The following ATAD2B variants were observed in gnomAD, a reference collection of about 807,000 sequenced individuals.
ATAD2B encodes the protein ATPase family AAA domain containing 2B.
A neutral mutation model predicts 167.6 loss-of-function variants in ATAD2B; 40 were observed. That is an observed-to-expected ratio of 0.24 (90% CI 0.19 to 0.31). The LOEUF (loss-of-function observed/expected upper bound fraction) is 0.31. ATAD2B is among the 10% of genes least tolerant of loss of function. The pLI is 1.00. For missense variants in ATAD2B, 1,242 were observed against 1,757.2 expected, an observed-to-expected ratio of 0.71 and a Z score of 5.24; for synonymous variants, 579 against 596.5, an observed-to-expected ratio of 0.97 and a Z score of 0.43.
rs1050879809 is a variant in ATAD2B, at chr2:23,888,512, T to C, written c.369-113A>G. 6 of 663,060 alleles carry C rather than the reference T, an allele frequency of 9.0e-6. No homozygotes were observed. In the South Asian group the frequency reaches 1.5e-4, roughly 17 times the overall value. The allele number at this position is 663,060 out of a possible 1,614,324, so 41.1% of individuals were successfully genotyped here. On this transcript the variant is annotated intron_variant, in intron 2 of 27. Transcript: ENST00000238789. Reference sequence around the variant, plus strand: ...TTTAAAACTTTTTTAAAAGTAAAGATAACTTTTTTTACTGTAAGATTGGTA... The same window carrying C: ...TTTAAAACTTTTTTAAAAGTAAAGACAACTTTTTTTACTGTAAGATTGGTA...
At chr2:23,698,954 G>A in the ATAD2B span, among the ~76,000 whole-genome samples, 286 of 152,354 alleles carry the variant, frequency 1.9e-3, 2 homozygotes, top group African/African-American at 6.6e-3. Context: ...TCCTTCTGCA[G>A]GAGCTCTTTG....
At chr2:23,706,879 C>T in the ATAD2B span, 76 of 473,654 alleles carry the variant, frequency 1.6e-4, 1 homozygote, top group African/African-American at 1.4e-3. Context: ...GCAGGAACCA[C>T]GATCCCGCCA....
chr2:23,754,879 T>C, intron 25 of ATAD2B, 105 bp from the exon 26 acceptor site: 2 of 1,175,860 alleles, frequency 1.7e-6, no homozygotes, highest in South Asian at 1.7e-5. Context: ...CCTTTTGGAA[T>C]GAGGAAGGGT....
the ATAD2B span, chr2:23,695,875 G>A: frequency 1.3e-6 from 2 of 1,535,082 alleles, no homozygotes; most frequent in Non-Finnish European, 1.8e-6. The surrounding 1 kb of genome is among the most constrained non-coding windows in gnomAD (Gnocchi z 7.6). Context: ...GGGCTCAGTG[G>A]TTCCAGTGAG....
At chr2:23,872,668 G>T in intron 8 of ATAD2B, 1 of 1,346,750 alleles carries the variant, frequency 7.4e-7, no homozygotes, top group Non-Finnish European at 1.1e-6. Flanking sequence ...AGAGCCTCCA[G>T]ATCTTCACCT....
chr2:23,705,995 C>A, the ATAD2B span, among the ~76,000 whole-genome samples: 1 of 152,218 alleles, frequency 6.6e-6, no homozygotes, highest in Admixed American at 6.5e-5. Context: ...GGGTGGGCAG[C>A]AGCACCAGGT....
chr2:23,814,347 G>A (rs948504649), intron 17 of ATAD2B, among the ~76,000 whole-genome samples: 3 of 152,130 alleles, frequency 2.0e-5, no homozygotes, highest in African/African-American at 7.2e-5. Flanking sequence ...TGTTATCATA[G>A]AGCTCATAAC....
At chr2:23,892,213 G>C (rs1272442348) in intron 2 of ATAD2B, among the ~76,000 whole-genome samples, 1 of 152,190 alleles carries the variant, frequency 6.6e-6, no homozygotes, top group Non-Finnish European at 1.5e-5. Flanking sequence ...GCCCAGGCTG[G>C]AGTGCAGTGG....
intron 1 of ATAD2B, among the ~76,000 whole-genome samples, chr2:23,902,661 T>A (rs1441916890): frequency 6.6e-6 from 1 of 152,222 alleles, no homozygotes; most frequent in Non-Finnish European, 1.5e-5. Context: ...TTATAATCCA[T>A]GAGTAGGAAA....
intron 22 of ATAD2B, among the ~76,000 whole-genome samples, chr2:23,777,387 T>TATCTA (rs1188404356): frequency 8.6e-5 from 13 of 151,944 alleles, no homozygotes; most frequent in African/African-American, 2.9e-4. Flanking sequence ...TCTATATCTA[T>TATCTA]ATCTTGGTCT....
intron 5 of ATAD2B, among the ~76,000 whole-genome samples, 197 bp downstream of exon 5, chr2:23,885,530 G>T (rs1172110741): frequency 6.6e-6 from 1 of 152,180 alleles, no homozygotes; most frequent in Non-Finnish European, 1.5e-5. Context: ...AGTGAAGAGG[G>T]TCTTCTTGGA....
intron 8 of ATAD2B, among the ~76,000 whole-genome samples, chr2:23,874,979 C>G (rs1438290205): frequency 1.3e-5 from 2 of 150,634 alleles, no homozygotes; most frequent in African/African-American, 4.9e-5. Context: ...TGGCGTGAAC[C>G]CAGGAGGTGG....
intron 1 of ATAD2B, among the ~76,000 whole-genome samples, chr2:23,899,412 GTTTTAT>G (rs1700532859): frequency 6.6e-6 from 1 of 151,680 alleles, no homozygotes; most frequent in African/African-American, 2.4e-5. Context: ...TGGTGTATTA[GTTTTAT>G]AATACACCAT....
At chr2:23,723,189 G>A in the ATAD2B span, among the ~76,000 whole-genome samples, 2 of 152,066 alleles carry the variant, frequency 1.3e-5, no homozygotes, top group African/African-American at 4.8e-5. Flanking sequence ...GCTACCCAGA[G>A]GGCTGACATG....
intron 1 of ATAD2B, among the ~76,000 whole-genome samples, chr2:23,903,953 G>GGTGGTA (rs1558770369): frequency 7.9e-5 from 12 of 152,172 alleles, no homozygotes; most frequent in Non-Finnish European, 1.8e-4. Flanking sequence ...TGGTGGTGGT[G>GGTGGTA]GTGGTGGTAG....
At chr2:23,696,327 C>G in the ATAD2B span, 1 of 1,551,218 alleles carries the variant, frequency 6.4e-7, no homozygotes, top group Non-Finnish European at 8.7e-7. The surrounding 1 kb of genome is among the most constrained non-coding windows in gnomAD (Gnocchi z 5.5). Context: ...CCCACACTGC[C>G]TCCAGGTGGG....
At chr2:23,915,527 G>A (rs1466503133) in intron 1 of ATAD2B, among the ~76,000 whole-genome samples, 1 of 147,784 alleles carries the variant, frequency 6.8e-6, no homozygotes, top group Non-Finnish European at 1.5e-5. Flanking sequence ...ATCCTTCCCT[G>A]CTCAGCCTCT....
At chr2:23,882,292 T>C (rs972247094) in intron 6 of ATAD2B, among the ~76,000 whole-genome samples, 1 of 151,306 alleles carries the variant, frequency 6.6e-6, no homozygotes, top group African/African-American at 2.4e-5. Flanking sequence ...GCCTCTCGGG[T>C]TCAGGCGATT....
intron 8 of ATAD2B, among the ~76,000 whole-genome samples, chr2:23,875,006 A>G (rs1397285052): frequency 6.7e-6 from 1 of 149,094 alleles, no homozygotes; most frequent in Non-Finnish European, 1.5e-5. Context: ...CAGCGACCCA[A>G]GATTGCCCCA....
Sources: gnomAD v4.1 joint callset for allele counts (sites outside exome capture counted in the v4.1 genomes callset) on GRCh38, gnomAD v4.1.1 for gene constraint, Gnocchi (gnomAD v3.1) non-coding constraint, MANE v1.5 for transcripts, NCBI Gene and HGNC (gene_info 2026-07-23, HGNC 2026-07-21) for gene names.